The following GALNT2 variants were observed in gnomAD, a reference collection of about 807,000 sequenced individuals.
The protein encoded by GALNT2 is polypeptide N-acetylgalactosaminyltransferase 2.
Under a neutral mutation model 81.4 loss-of-function variants are expected in GALNT2, and 31 were observed. That is an observed-to-expected ratio of 0.38 (90% confidence interval 0.29 to 0.51). The LOEUF (loss-of-function observed/expected upper bound fraction) is 0.51, where lower values mean the gene tolerates loss of function less well. GALNT2 is among the 20% of genes least tolerant of loss of function. The probability of loss-of-function intolerance (pLI) is 0.87; values close to 1 mark genes in which losing one functional copy is unlikely to be tolerated. For missense variants in GALNT2, 629 were observed against 765.7 expected (o/e 0.82, Z 2.11); for synonymous variants, 303 against 287.4 (o/e 1.05, Z -0.55).
At chr1:230,121,479 C>T (rs1188517094) in intron 1 of GALNT2, among the ~76,000 whole-genome samples, 4 of 152,178 alleles carry the variant, frequency 2.6e-5, no homozygotes, top group Non-Finnish European at 5.9e-5. Flanking sequence ...TCCCTCACTC[C>T]CCTCTTCTTT....
rs1383199264 is a variant in GALNT2 at position 230,262,709 on chromosome 1, G to C, written c.1229+44G>C. The C allele has an allele frequency of 2.0e-6, 3 of 1,470,762 alleles. No individual in the cohort carries two copies. The East Asian group carries it at 6.8e-5, about 33-fold the overall frequency. The allele number at this position is 1,470,762 out of a possible 1,614,324, so 91.1% of individuals were successfully genotyped here. ...TTCTCACAATTACTGGGGATTCTTG[G>C]GGTGTGGGGGTGGGAGGTAAGGGGC... On this transcript the variant is annotated intron_variant, in intron 12 of 15. Transcript: ENST00000366672.
At chr1:230,167,459 T>C (rs1662646515) in intron 1 of GALNT2, among the ~76,000 whole-genome samples, 1 of 152,246 alleles carries the variant, frequency 6.6e-6, no homozygotes, top group Admixed American at 6.5e-5. Context: ...GAGCCAGTTC[T>C]GACTCAGTGG....
chr1:230,269,943 T>G (rs1666127108), intron 14 of GALNT2, among the ~76,000 whole-genome samples: 1 of 152,120 alleles, frequency 6.6e-6, no homozygotes, highest in Non-Finnish European at 1.5e-5. Flanking sequence ...GGCTCACGCC[T>G]GTAATCCCAG....
chr1:230,190,898 A>C (rs1412479812), intron 2 of GALNT2, among the ~76,000 whole-genome samples: 2 of 152,098 alleles, frequency 1.3e-5, no homozygotes, highest in Admixed American at 1.3e-4. Context: ...TGAGAGGTAA[A>C]TCTTTGTTTA....
Position 230,281,895 on chromosome 1 carries a change from C to G in GALNT2, c.*2437C>G, listed in dbSNP as rs988722821. On this transcript the variant is annotated 3_prime_UTR_variant, in exon 16 of 16. Coordinates refer to ENST00000366672, the MANE Select transcript of GALNT2 (RefSeq NM_004481.5). The stretch of plus-strand genomic sequence containing the variant: ...TAAGAGCCCTTCGAGCAAAGCGTGC[C>G]GAAGTTAGTTGTCTTCTCTGTGCTG... 2 of 152,584 alleles carry G rather than the reference C, an allele frequency of 1.3e-5. No individual in the cohort carries two copies. Among genetic ancestry groups the G allele is most frequent in the Admixed American group, 6.5e-5 (1 of 15,280 alleles). 9.5% of individuals were successfully genotyped at this position (152,584 alleles called of 1,614,324 possible). A position where few individuals can be genotyped will look rare whatever the true frequency, so the allele number is the denominator to read the frequency against.
intron 1 of GALNT2, among the ~76,000 whole-genome samples, chr1:230,161,260 G>T (rs1662424418): frequency 6.6e-6 from 1 of 152,190 alleles, no homozygotes; most frequent in Admixed American, 6.5e-5. Flanking sequence ...GCTAGCTATT[G>T]TCTGGGGCTC....
intron 1 of GALNT2, among the ~76,000 whole-genome samples, chr1:230,146,800 C>T (rs1384672064): frequency 6.6e-6 from 1 of 152,208 alleles, no homozygotes; most frequent in East Asian, 1.9e-4. Flanking sequence ...CTGCACGCAC[C>T]TCAGAGCGGC....
chr1:230,142,212 AG>A (rs780204008), intron 1 of GALNT2, among the ~76,000 whole-genome samples: 18 of 152,126 alleles, frequency 1.2e-4, no homozygotes, highest in Admixed American at 4.6e-4. Flanking sequence ...AGGAAGCATG[AG>A]GGATGGCATC....
Position 230,274,545 on chromosome 1 carries a change from G to A in GALNT2, c.1541G>A (p.Arg514Gln), listed in dbSNP as rs527685112. The change falls in exon 15 of 16, where the codon CGA becomes CAA. Residue 514 changes from arginine to glutamine, a missense_variant. This residue lies in a region of GALNT2 where 207 missense variants were observed against 225.5 expected (regional missense o/e 0.92). Transcript: ENST00000366672. ...TCTCTTATAAAGCTGCAGGGCTGCC[G>A]AGAAAATGACAGCAGACAGGTACGG... ...PGSLIKLQGC[R>Q]ENDSRQKWEQ... is the part of the protein sequence containing the mutation. 74 of 1,613,880 alleles carry A rather than the reference G, an allele frequency of 4.6e-5. No individual in the cohort carries two copies. The highest frequency in any genetic ancestry group is 1.6e-4 in the Middle Eastern group (1 of 6,068).
At chr1:230,114,520 A>T (rs888485905) in intron 1 of GALNT2, among the ~76,000 whole-genome samples, 1 of 152,182 alleles carries the variant, frequency 6.6e-6, no homozygotes, top group Non-Finnish European at 1.5e-5. Flanking sequence ...TCTCAGCGAG[A>T]GGAGGGGCTT....
chr1:230,186,287 A>C (rs550519858), intron 2 of GALNT2, among the ~76,000 whole-genome samples: 15 of 152,184 alleles, frequency 9.9e-5, no homozygotes, highest in African/African-American at 3.6e-4. Context: ...GCGTTGTCCC[A>C]CCTACACCAG....
chr1:230,086,563 T>C (rs1309637734), intron 1 of GALNT2, among the ~76,000 whole-genome samples: 1 of 152,224 alleles, frequency 6.6e-6, no homozygotes, highest in Non-Finnish European at 1.5e-5. Flanking sequence ...GGAAAACAGC[T>C]GTAAAGTGAG....
chr1:230,204,168 C>CTT (rs373232106), intron 3 of GALNT2, among the ~76,000 whole-genome samples: 9,133 of 125,916 alleles, frequency 0.073, 374 homozygotes, highest in Non-Finnish European at 0.092. Flanking sequence ...TTTTCTTTTT[C>CTT]TTTTTTTTTT....
intron 2 of GALNT2, among the ~76,000 whole-genome samples, chr1:230,198,089 T>C (rs1422931327): frequency 6.6e-6 from 1 of 152,242 alleles, no homozygotes; most frequent in Non-Finnish European, 1.5e-5. Flanking sequence ...AACACGAAGC[T>C]GCGTTCCTCC....
chr1:230,178,176 T>C (rs1207619215), intron 1 of GALNT2, 42 bp from the exon 2 acceptor site: 1 of 1,500,434 alleles, frequency 6.7e-7, no homozygotes, highest in Non-Finnish European at 9.3e-7. Flanking sequence ...GAAGGTGTGC[T>C]TGAAGAACAA....
intron 1 of GALNT2, among the ~76,000 whole-genome samples, chr1:230,158,061 T>C (rs536915973): frequency 3.9e-5 from 6 of 152,178 alleles, no homozygotes; most frequent in Non-Finnish European, 1.5e-5. Flanking sequence ...AGAACCGTCA[T>C]GGAACAGGCC....
intron 1 of GALNT2, among the ~76,000 whole-genome samples, chr1:230,112,562 T>G (rs1246821233): frequency 6.6e-6 from 1 of 152,168 alleles, no homozygotes; most frequent in East Asian, 1.9e-4. Flanking sequence ...ACAGGCAGTC[T>G]GCTGTGAGGG....
At chr1:230,084,064 C>T (rs552321973) in intron 1 of GALNT2, among the ~76,000 whole-genome samples, 11 of 152,296 alleles carry the variant, frequency 7.2e-5, no homozygotes, top group East Asian at 3.9e-4. Flanking sequence ...TTTGGACACC[C>T]GAGATTTCCC....
At chr1:230,213,014 G>A (rs1159790519) in intron 3 of GALNT2, among the ~76,000 whole-genome samples, 4 of 152,310 alleles carry the variant, frequency 2.6e-5, no homozygotes, top group South Asian at 2.1e-4. Context: ...ATTAGCAAAC[G>A]TATTCTCAAA....
Sources: gnomAD v4.1 joint callset for allele counts (sites outside exome capture counted in the v4.1 genomes callset) on GRCh38, gnomAD v4.1.1 for gene constraint, gnomAD v4.1.1 regional missense constraint, MANE v1.5 for transcripts, NCBI Gene and HGNC (gene_info 2026-07-23, HGNC 2026-07-21) for gene names.